The following UBP1 variants were observed in gnomAD, a reference collection of about 807,000 sequenced individuals.
UBP1 encodes the protein upstream-binding protein 1.
UBP1 carries 22 observed loss-of-function variants against 76.1 expected under a neutral mutation model. That is an observed-to-expected ratio of 0.29 (90% CI 0.21 to 0.41). The LOEUF is 0.41. Ranked by LOEUF, UBP1 falls within the 10% of genes least tolerant of loss-of-function variation. UBP1 has a pLI of 1.00. For synonymous variants in UBP1, 224 were observed against 237.1 expected (o/e 0.94, Z 0.51); for missense variants, 436 against 668.1 (o/e 0.65, Z 3.83).
Position 33,400,215 on chromosome 3 carries a change from T to C in UBP1, c.1154A>G (p.Tyr385Cys). ...TGAAAAATTAGAGAACAGTCTTGTG[T>C]AGGAAGAGAATCTGTTTTTGAGCAG... ...QWLLKNRFSS[Y>C]TRLFSNFSGA... Residue 385 changes from tyrosine to cysteine, a missense_variant, in exon 11 of 16, where the codon TAC (tyrosine) becomes TGC (cysteine). Tyr to Cys is a radical substitution (Grantham distance 194). Transcript: ENST00000283629. 1 of 1,602,912 alleles carries C rather than the reference T, an allele frequency of 6.2e-7. No individual in the cohort carries two copies. The highest frequency in any genetic ancestry group is 8.5e-7 in the Non-Finnish European group (1 of 1,176,454).
chr3:33,418,860 C>CAA (rs59774815), intron 2 of UBP1, among the ~76,000 whole-genome samples: 46 of 76,698 alleles, frequency 6.0e-4, no homozygotes, highest in South Asian at 3.3e-3. Context: ...ACTCTGTCTC[C>CAA]AAAAAAAAAA....
intron 1 of UBP1, among the ~76,000 whole-genome samples, chr3:33,437,278 G>A (rs571822430): frequency 6.6e-6 from 1 of 151,508 alleles, no homozygotes; most frequent in East Asian, 1.9e-4. Context: ...AAAAGAGAAG[G>A]GGGTCTCATT....
intron 2 of UBP1, among the ~76,000 whole-genome samples, chr3:33,420,969 T>C (rs770862487): frequency 5.9e-5 from 9 of 152,164 alleles, no homozygotes; most frequent in Non-Finnish European, 1.0e-4. Context: ...GAAAATGTAT[T>C]TGGGGACTAA....
chr3:33,390,264 A>G lies in UBP1; in HGVS notation c.*67T>C, dbSNP rs1434813454. The stretch of plus-strand genomic sequence containing the variant: ...AAAATCCAATCCCAAGACTTCTTGG[A>G]TTCAGTCTTCACACACTTTTAAGCG... On this transcript the variant is annotated 3_prime_UTR_variant, in exon 16 of 16. Transcript: ENST00000283629. 1.2e-5 allele frequency: 18 copies of G among 1,489,986 alleles called. No homozygotes were observed. Among genetic ancestry groups the G allele is most frequent in the Non-Finnish European group, 1.7e-5 (18 of 1,078,420 alleles). 92.3% of individuals were successfully genotyped at this position (1,489,986 alleles called of 1,614,324 possible).
At chr3:33,396,930 CGAT>C (rs1394839555) in intron 12 of UBP1, 112 bp downstream of exon 12, 3 of 929,438 alleles carry the variant, frequency 3.2e-6, no homozygotes, top group Non-Finnish European at 5.2e-6. Context: ...TGCCAATGCT[CGAT>C]GGCGCACACA....
At chr3:33,391,121 A>G (rs2043747082) in intron 15 of UBP1, 1 of 152,270 alleles carries the variant, frequency 6.6e-6, no homozygotes, top group Non-Finnish European at 1.5e-5. Flanking sequence ...TGTTTCTGAA[A>G]GAGTGAACCA....
chr3:33,408,641 A>G, intron 8 of UBP1, 49 bp downstream of exon 8: 2 of 1,524,888 alleles, frequency 1.3e-6, no homozygotes, highest in Admixed American at 2.0e-5. Context: ...TATATCTAAC[A>G]CTGCACAAGG....
In UBP1 at chr3:33,393,462, T is replaced by TAA. The variant is rs754581679; in HGVS notation, c.1391-10_1391-9dup. ...AGTAGATTGCATGATAAACTGAAAT[T>TAA]AAAAAAAAAAAAAGAAAAGCATTTT... On this transcript the variant is annotated splice_polypyrimidine_tract_variant and intron_variant, in intron 13 of 15. Coordinates refer to ENST00000283629, the MANE Select transcript of UBP1 (RefSeq NM_014517.5). 7.4e-5 allele frequency: 99 copies of TAA among 1,344,484 alleles called. No individual in the cohort carries two copies. Among genetic ancestry groups the TAA allele is most frequent in the South Asian group, 1.9e-4 (14 of 73,656 alleles). 83.3% of individuals were successfully genotyped at this position (1,344,484 alleles called of 1,614,324 possible).
intron 2 of UBP1, among the ~76,000 whole-genome samples, chr3:33,424,085 T>C (rs2044967894): frequency 6.6e-6 from 1 of 152,268 alleles, no homozygotes. Context: ...TATTTCCTTT[T>C]TTATCTTTAG....
intron 7 of UBP1, 132 bp downstream of exon 7, chr3:33,409,104 A>T (rs1013096656): frequency 2.3e-6 from 2 of 884,422 alleles, no homozygotes; most frequent in Non-Finnish European, 3.5e-6. Flanking sequence ...TTTCCCCAGA[A>T]ATTTCACAGA....
At chr3:33,396,085 G>T (rs1291062026) in intron 13 of UBP1, 77 bp downstream of exon 13, 34 of 1,326,176 alleles carry the variant, frequency 2.6e-5, no homozygotes, top group Non-Finnish European at 3.5e-5. Flanking sequence ...GTTCTCCAAA[G>T]CCTGCTCAAT....
At chr3:33,438,805 C>T (rs955706531) in intron 1 of UBP1, among the ~76,000 whole-genome samples, 12 of 152,124 alleles carry the variant, frequency 7.9e-5, no homozygotes, top group African/African-American at 2.9e-4. Context: ...TCTAGAGCTG[C>T]AGTAAGATGT....
intron 13 of UBP1, 29 bp downstream of exon 13, chr3:33,396,133 G>T: frequency 1.3e-6 from 2 of 1,518,746 alleles, no homozygotes; most frequent in South Asian, 1.2e-5. Context: ...TCTCAGAAGT[G>T]ACAGAATTGA....
Position 33,439,206 on chromosome 3 carries a change from A to G in UBP1, c.113+530T>C, listed in dbSNP as rs116355008. ...TGAGAAACTTCACTTTGAGACAATC[A>G]AAAGAACAAAACGAAGTCACAGTGC... On this transcript the variant is annotated intron_variant, in intron 1 of 15. Coordinates refer to ENST00000283629, the MANE Select transcript of UBP1 (RefSeq NM_014517.5). Among the ~76,000 whole-genome samples the G allele has an allele frequency of 7.0e-3, 1,061 of 152,334 alleles. 15 individuals carry two copies. Among genetic ancestry groups the G allele is most frequent in the African/African-American group, 0.023 (969 of 41,574 alleles).
At chr3:33,400,859 T>C in intron 10 of UBP1, 103 bp downstream of exon 10, 1 of 1,103,762 alleles carries the variant, frequency 9.1e-7, no homozygotes, top group Non-Finnish European at 1.3e-6. Context: ...TTACCATACA[T>C]GTAACAAAAC....
At chr3:33,392,661 C>A in intron 14 of UBP1, 47 bp from the exon 15 acceptor site, 3 of 1,526,854 alleles carry the variant, frequency 2.0e-6, no homozygotes, top group South Asian at 2.4e-5. Context: ...ATCCAACTGT[C>A]GTTTCTTAAA....
intron 1 of UBP1, among the ~76,000 whole-genome samples, chr3:33,428,178 T>C (rs1278565664): frequency 1.2e-4 from 8 of 67,532 alleles, no homozygotes; most frequent in Non-Finnish European, 2.0e-4. Flanking sequence ...CGAGATTCCA[T>C]CTCAAAAAAA....
At chr3:33,400,752 T>C (rs1212200524) in intron 10 of UBP1, among the ~76,000 whole-genome samples, 1 of 152,008 alleles carries the variant, frequency 6.6e-6, no homozygotes, top group East Asian at 1.9e-4. Context: ...AAGGAGTAAA[T>C]TCAGTATTTC....
intron 1 of UBP1, among the ~76,000 whole-genome samples, chr3:33,439,483 C>T (rs972391300): frequency 6.6e-6 from 1 of 152,226 alleles, no homozygotes; most frequent in African/African-American, 2.4e-5. Context: ...GCGTGTTTTA[C>T]AGCAAATATG....
Sources: gnomAD v4.1 joint callset for allele counts (sites outside exome capture counted in the v4.1 genomes callset) on GRCh38, gnomAD v4.1.1 for gene constraint, MANE v1.5 for transcripts, NCBI Gene and HGNC (gene_info 2026-07-23, HGNC 2026-07-21) for gene names.